Variants in RARB observed in about 807,000 individuals in gnomAD.
RARB encodes the protein retinoic acid receptor beta.
Under a neutral mutation model 51.9 loss-of-function variants are expected in RARB, and 17 were observed. The observed-to-expected ratio is 0.33, with a 90% confidence interval of 0.22 to 0.49. The LOEUF (loss-of-function observed/expected upper bound fraction) is 0.49. Ranked by LOEUF, RARB falls within the 20% of genes least tolerant of loss-of-function variation. The pLI, the probability that RARB is intolerant of heterozygous loss-of-function variation, is 0.99. For missense variants in RARB, 369 were observed against 550.8 expected, an observed-to-expected ratio of 0.67 and a Z score of 3.30; for synonymous variants, 215 against 195.4, an observed-to-expected ratio of 1.10 and a Z score of -0.84.
chr3:25,579,950 A>G (rs761213061), intron 4 of RARB, among the ~76,000 whole-genome samples: 1 of 152,234 alleles, frequency 6.6e-6, no homozygotes, highest in Non-Finnish European at 1.5e-5. Flanking sequence ...CCATTCATTC[A>G]TCAGAGTTAG....
At chr3:24,830,916 A>G (rs1702273828) in intron 1 of RARB, among the ~76,000 whole-genome samples, 1 of 152,178 alleles carries the variant, frequency 6.6e-6, no homozygotes, top group Non-Finnish European at 1.5e-5. Context: ...GAAGAAGAAA[A>G]GAGCCCTGAA....
intron 3 of RARB, among the ~76,000 whole-genome samples, chr3:25,524,571 G>T (rs1000739324): frequency 1.3e-5 from 2 of 151,752 alleles, no homozygotes; most frequent in African/African-American, 4.8e-5. Flanking sequence ...AGACTGACAA[G>T]CTCCTTCAAA....
At chr3:24,864,759 A>G (rs544341548) in intron 2 of RARB, among the ~76,000 whole-genome samples, 1 of 152,324 alleles carries the variant, frequency 6.6e-6, no homozygotes, top group South Asian at 2.1e-4. Context: ...TGTTGCCTGC[A>G]AAGACTAAAA....
intron 5 of RARB, among the ~76,000 whole-genome samples, chr3:25,228,796 A>C (rs1173565827): frequency 6.6e-6 from 1 of 152,122 alleles, no homozygotes; most frequent in Non-Finnish European, 1.5e-5. Context: ...AGTAGCATGG[A>C]TAGTCTCTCA....
intron 2 of RARB, among the ~76,000 whole-genome samples, chr3:24,967,320 G>A (rs1237515523): frequency 6.6e-6 from 1 of 152,102 alleles, no homozygotes; most frequent in African/African-American, 2.4e-5. Flanking sequence ...CCTTGGAGTA[G>A]AAGCCAGATT....
chr3:25,182,786 G>T (rs1406071812), intron 5 of RARB, among the ~76,000 whole-genome samples: 4 of 152,172 alleles, frequency 2.6e-5, no homozygotes, highest in African/African-American at 9.6e-5. Flanking sequence ...CCCAGTACCT[G>T]TGAACATAGC....
chr3:25,174,802 G>T (rs1700711758), intron 5 of RARB, among the ~76,000 whole-genome samples: 1 of 152,112 alleles, frequency 6.6e-6, no homozygotes, highest in Admixed American at 6.5e-5. Flanking sequence ...ATTTTGCTCT[G>T]TTTCATAAAA....
At chr3:25,585,266 C>T (rs1027806130) in intron 5 of RARB, among the ~76,000 whole-genome samples, 5 of 152,130 alleles carry the variant, frequency 3.3e-5, no homozygotes, top group African/African-American at 7.2e-5. Context: ...ATTGTTAAGT[C>T]GCACTATGCC....
intron 4 of RARB, among the ~76,000 whole-genome samples, chr3:25,138,840 G>T (rs1559480167): frequency 6.6e-6 from 1 of 152,102 alleles, no homozygotes; most frequent in Non-Finnish European, 1.5e-5. Context: ...TGCAGATATT[G>T]TATATTTTAC....
intron 2 of RARB, among the ~76,000 whole-genome samples, chr3:24,868,325 C>T (rs1462483249): frequency 6.6e-6 from 1 of 152,044 alleles, no homozygotes; most frequent in African/African-American, 2.4e-5. Flanking sequence ...ACAAATGATG[C>T]CAAACTTACT....
intron 2 of RARB, among the ~76,000 whole-genome samples, chr3:25,041,314 A>G (rs563641497): frequency 5.3e-5 from 8 of 152,294 alleles, no homozygotes; most frequent in African/African-American, 1.9e-4. Flanking sequence ...CTACTGATAC[A>G]TATGATTCAC....
chr3:25,258,933 G>A (rs1702931725), intron 5 of RARB: 2 of 520,570 alleles, frequency 3.8e-6, no homozygotes, highest in Non-Finnish European at 4.9e-6. Context: ...CCTCTCAAAG[G>A]CACTAACTTT....
In RARB at chr3:25,573,402, G is replaced by T. The variant is rs186343197; in HGVS notation, c.609+3484G>T. On this transcript the variant is annotated intron_variant, in intron 4 of 7. Coordinates refer to ENST00000330688, the MANE Select transcript of RARB (RefSeq NM_000965.5). ...CCTAAACACATTGTGGAGACTTCTT[G>T]TACCTCCCAGTCAGGCAGAAAAACA... Among the ~76,000 whole-genome samples the T allele has an allele frequency of 3.9e-4, 59 of 152,232 alleles. 1 individual carries two copies. Among genetic ancestry groups the T allele is most frequent in the Non-Finnish European group, 5.9e-4 (40 of 68,018 alleles).
At chr3:24,934,970 C>T (rs1695519757) in intron 2 of RARB, among the ~76,000 whole-genome samples, 1 of 152,070 alleles carries the variant, frequency 6.6e-6, no homozygotes, top group African/African-American at 2.4e-5. Flanking sequence ...AAAAAGCACC[C>T]TAAAGACTTG....
At chr3:24,903,223 CA>C (rs533585930) in intron 2 of RARB, among the ~76,000 whole-genome samples, 25 of 151,308 alleles carry the variant, frequency 1.7e-4, no homozygotes, top group South Asian at 1.0e-3. Context: ...GCATTTTGGC[CA>C]AAGAAAATAA....
intron 5 of RARB, among the ~76,000 whole-genome samples, chr3:25,246,465 C>T (rs994120030): frequency 2.0e-5 from 3 of 152,110 alleles, no homozygotes; most frequent in Admixed American, 6.6e-5. Flanking sequence ...GATTTACCTA[C>T]CTTTGGTCTT....
intron 2 of RARB, among the ~76,000 whole-genome samples, chr3:24,938,526 A>C (rs1695591766): frequency 6.6e-6 from 1 of 152,160 alleles, no homozygotes; most frequent in Non-Finnish European, 1.5e-5. Flanking sequence ...AGCTCCAGTA[A>C]CTCCAAACCC....
chr3:25,114,964 A>G (rs1699662177), intron 3 of RARB, among the ~76,000 whole-genome samples: 1 of 152,246 alleles, frequency 6.6e-6, no homozygotes, highest in South Asian at 2.1e-4. Context: ...AGAGTACATT[A>G]ACCAATGTAT....
chr3:25,473,925 A>AAAAAAAAGAAAAC (rs1553620198), intron 2 of RARB, among the ~76,000 whole-genome samples: 12 of 150,394 alleles, frequency 8.0e-5, no homozygotes, highest in Admixed American at 2.6e-4. Context: ...TGGCAGGAAA[A>AAAAAAAAGAAAAC]AAAAAAAACC....
Sources: allele counts gnomAD v4.1 joint callset (sites outside exome capture counted in the v4.1 genomes callset), GRCh38; gene constraint gnomAD v4.1.1; transcripts MANE v1.5; gene names NCBI Gene and HGNC (gene_info 2026-07-23, HGNC 2026-07-21).